Variants in SWI5 observed in about 807,000 individuals in gnomAD.
The protein encoded by SWI5 is SWI5 homologous recombination repair protein, also known as DNA repair protein SWI5 homolog.
Under a neutral mutation model 17.0 loss-of-function variants are expected in SWI5, and 12 were observed. The observed-to-expected ratio is 0.71, with a 90% CI of 0.45 to 1.14. SWI5 has a LOEUF of 1.14. Among genes scored for constraint, SWI5 ranks in the 50% most tolerant of loss-of-function variants. The probability of loss-of-function intolerance (pLI) is 0.00; values close to 1 mark genes in which losing one functional copy is unlikely to be tolerated. For missense variants in SWI5, 158 were observed against 162.2 expected (o/e 0.97, Z 0.14); for synonymous variants, 61 against 64.0 (o/e 0.95, Z 0.22).
chr9:128,279,018 C>T (rs900341128), intron 2 of SWI5, among the ~76,000 whole-genome samples: 1 of 152,158 alleles, frequency 6.6e-6, no homozygotes, highest in Non-Finnish European at 1.5e-5. Flanking sequence ...GATCCACCCG[C>T]CTCAGCCTCC....
At chr9:128,276,812 C>G in intron 2 of SWI5, 57 bp downstream of exon 2, 1 of 1,521,988 alleles carries the variant, frequency 6.6e-7, no homozygotes, top group Admixed American at 1.8e-5. Context: ...CTTGTGCGCT[C>G]CCGGCCCCAC....
chr9:128,276,035 G>A (rs760399940), upstream of SWI5: 5 of 1,589,910 alleles, frequency 3.1e-6, no homozygotes, highest in East Asian at 2.2e-5. Flanking sequence ...CTGTGCGACG[G>A]AGCCAGAGGA....
chr9:128,286,264 C>T (rs536947600), intron 4 of SWI5: 152 of 498,264 alleles, frequency 3.1e-4, no homozygotes, highest in Non-Finnish European at 4.6e-4. Flanking sequence ...CAGGTTTGAG[C>T]GGGGCTTGCC....
intron 3 of SWI5, among the ~76,000 whole-genome samples, chr9:128,284,983 T>C (rs947134206): frequency 8.4e-6 from 1 of 119,376 alleles, no homozygotes; most frequent in Non-Finnish European, 1.7e-5. Context: ...AAAAAAAAGG[T>C]TTAACTCTCT....
At chr9:128,276,906 G>A (rs1831409557) in intron 2 of SWI5, 151 bp downstream of exon 2, 2 of 790,310 alleles carry the variant, frequency 2.5e-6, no homozygotes, top group African/African-American at 1.8e-5. Flanking sequence ...GGTCATTCCC[G>A]AATCCCTCCC....
rs199501836 is a variant in SWI5 at position 128,276,358 on chromosome 9, A to T, written c.18A>T (p.Pro6=). The change falls in exon 1 of 5, where the codon CCA becomes CCT. Residue 6 remains proline, a synonymous_variant. Transcript: ENST00000418976. ...CTCCCGCGCTGGACCCTCTTGCGCC[A>T]TTGAACCCCCTGATCCGGGGGCCTC... The T allele has an allele frequency of 4.5e-5, 73 of 1,613,214 alleles. No homozygotes were observed. In the African/African-American group the frequency reaches 8.4e-4, roughly 19 times the overall value.
chr9:128,276,677 A>G (rs1831394542), intron 1 of SWI5, 30 bp from the exon 2 acceptor site: 2 of 1,613,818 alleles, frequency 1.2e-6, no homozygotes, highest in Admixed American at 1.7e-5. Flanking sequence ...TGTGGGTCCA[A>G]TCAGACTTTC....
At position 128,276,592 on chromosome 9, in the gene SWI5, T is replaced by C. The variant is rs1185851868; in HGVS notation, c.63-115T>C. The C allele has an allele frequency of 6.2e-7, 1 of 1,606,696 alleles. No homozygotes were observed. The highest frequency in any genetic ancestry group is 2.2e-5 in the East Asian group (1 of 44,796). ...CGTGTCTGCCCCCTTTCCAGATGGA[T>C]CCAGTCCCTGGCGCTCCTACTTCCC... is the stretch of plus-strand genomic sequence containing the variant. On this transcript the variant is annotated intron_variant, in intron 1 of 4. Transcript: ENST00000418976.
chr9:128,286,393 G>C (rs1324487443), intron 4 of SWI5: 1 of 211,126 alleles, frequency 4.7e-6, no homozygotes, highest in African/African-American at 2.3e-5. Flanking sequence ...GTGCAAGGGT[G>C]ACCCTTTGTG....
At chr9:128,279,951 A>G (rs1831507389) in intron 2 of SWI5, among the ~76,000 whole-genome samples, 1 of 152,190 alleles carries the variant, frequency 6.6e-6, no homozygotes, top group African/African-American at 2.4e-5. Flanking sequence ...ATGTTCCTTC[A>G]GCACCTGACC....
intron 2 of SWI5, among the ~76,000 whole-genome samples, chr9:128,278,069 C>T (rs989837760): frequency 2.0e-5 from 3 of 151,244 alleles, no homozygotes; most frequent in Admixed American, 1.3e-4. Context: ...CCTCTTGCCT[C>T]AGCGTCCCAA....
At chr9:128,288,508 T>C in intron 4 of SWI5, 144 bp from the exon 5 acceptor site, 1 of 829,926 alleles carries the variant, frequency 1.2e-6, no homozygotes, top group African/African-American at 1.7e-5. Flanking sequence ...CCTTGGCCAG[T>C]TAGGCAAGGC....
intron 4 of SWI5, among the ~76,000 whole-genome samples, chr9:128,287,939 G>T (rs566764757): frequency 1.3e-5 from 2 of 152,214 alleles, no homozygotes; most frequent in African/African-American, 4.8e-5. Flanking sequence ...AGGACACTTG[G>T]GTGAACCAGA....
intron 2 of SWI5, among the ~76,000 whole-genome samples, chr9:128,283,499 A>AC (rs1438236466): frequency 1.2e-4 from 8 of 67,670 alleles, no homozygotes; most frequent in African/African-American, 4.3e-4. Flanking sequence ...TCCGTCTCCA[A>AC]AAACAACAAC....
At chr9:128,276,018 C>A (rs184959661), upstream of SWI5, 6 of 1,591,708 alleles carry the variant, frequency 3.8e-6, no homozygotes, top group Middle Eastern at 1.9e-4. Flanking sequence ...AGTCAGCCAC[C>A]GCGCAGCTGT....
At chr9:128,276,290 G>A (rs200269832) in exon 1 of SWI5, 235 of 1,612,840 alleles carry the variant, frequency 1.5e-4, no homozygotes, top group Non-Finnish European at 1.8e-4. Flanking sequence ...CACACTCCGG[G>A]TCAGAGTTCC....
chr9:128,284,358 C>G (rs1831595578), intron 2 of SWI5, 152 bp from the exon 3 acceptor site: 10 of 788,908 alleles, frequency 1.3e-5, no homozygotes, highest in Non-Finnish European at 1.9e-5. Flanking sequence ...AGGGCCACAT[C>G]TAATTCCAAG....
upstream of SWI5, chr9:128,275,935 C>A: frequency 6.3e-7 from 1 of 1,593,734 alleles, no homozygotes; most frequent in Admixed American, 1.9e-5. Flanking sequence ...GGGTTTCTTC[C>A]GACATCGCGG....
At chr9:128,286,091 G>A (rs768756659) in intron 4 of SWI5, 58 bp downstream of exon 4, 1 of 1,354,742 alleles carries the variant, frequency 7.4e-7, no homozygotes, top group East Asian at 2.3e-5. Flanking sequence ...GTCTCGCCTA[G>A]GGGTGTTGGG....
Sources: allele counts gnomAD v4.1 joint callset (sites outside exome capture counted in the v4.1 genomes callset), GRCh38; gene constraint gnomAD v4.1.1; transcripts MANE v1.5; gene names NCBI Gene and HGNC (gene_info 2026-07-23, HGNC 2026-07-21).